Variants in ADGRL2 observed in about 807,000 individuals in gnomAD.
The protein encoded by ADGRL2 is calcium-independent alpha-latrotoxin receptor 2.
Under a neutral mutation model 157.4 loss-of-function variants are expected in ADGRL2, and 44 were observed. The ratio of observed to expected loss-of-function variants is 0.28; its 90% CI spans 0.22 to 0.36. The LOEUF is 0.36. ADGRL2 is among the 10% of genes least tolerant of loss of function. ADGRL2 has a pLI of 1.00. For missense variants in ADGRL2, 1,510 were observed against 1,768.9 expected (o/e 0.85, Z 2.63); for synonymous variants, 585 against 624.7 (o/e 0.94, Z 0.95).
intron 4 of ADGRL2, among the ~76,000 whole-genome samples, chr1:81,941,353 G>C (rs894271980): frequency 6.6e-6 from 1 of 151,436 alleles, no homozygotes; most frequent in Non-Finnish European, 1.5e-5. Flanking sequence ...GTGATGGGGG[G>C]ATATTGATAT....
chr1:81,464,198 G>A (rs1249179803), intron 2 of ADGRL2, among the ~76,000 whole-genome samples: 1 of 152,026 alleles, frequency 6.6e-6, no homozygotes, highest in East Asian at 1.9e-4. Context: ...CTGCAAACAT[G>A]TAATACAGCC....
At chr1:81,557,036 G>T (rs372935977) in intron 2 of ADGRL2, 1 of 148,220 alleles carries the variant, frequency 6.7e-6, no homozygotes, top group South Asian at 1.4e-4. Flanking sequence ...AAAAAAAAAA[G>T]AAAGAAAGAA....
At chr1:81,953,988 C>T (rs1212227028) in intron 10 of ADGRL2, among the ~76,000 whole-genome samples, 1 of 152,074 alleles carries the variant, frequency 6.6e-6, no homozygotes, top group African/African-American at 2.4e-5. Context: ...CATTGTTGAA[C>T]TTGAGAACTT....
chr1:81,751,431 A>G (rs1273883809), intron 1 of ADGRL2, among the ~76,000 whole-genome samples: 1 of 152,204 alleles, frequency 6.6e-6, no homozygotes, highest in African/African-American at 2.4e-5. Context: ...AAGAGAGGAA[A>G]CCTGAATCTG....
intron 2 of ADGRL2, among the ~76,000 whole-genome samples, chr1:81,850,875 G>A (rs1234724658): frequency 6.6e-6 from 1 of 151,852 alleles, no homozygotes; most frequent in East Asian, 1.9e-4. Context: ...CTAATTCATT[G>A]AAGTTAAGCA....
intron 3 of ADGRL2, among the ~76,000 whole-genome samples, chr1:81,917,601 T>C (rs1234302834): frequency 1.3e-5 from 2 of 152,176 alleles, no homozygotes; most frequent in Admixed American, 6.5e-5. Context: ...AACTAACACG[T>C]CACGGTTCTC....
intron 2 of ADGRL2, among the ~76,000 whole-genome samples, chr1:81,512,863 A>T (rs1322545091): frequency 6.6e-6 from 1 of 152,074 alleles, no homozygotes; most frequent in African/African-American, 2.4e-5. Context: ...AATGCTTACT[A>T]GAAAGAGTTC....
intron 3 of ADGRL2, among the ~76,000 whole-genome samples, chr1:81,670,912 G>A (rs71646942): frequency 0.02 from 3,024 of 152,282 alleles, 46 homozygotes; most frequent in Non-Finnish European, 0.03. Flanking sequence ...GTTTTGCCAC[G>A]TTGCCCAGGC....
At chr1:81,348,782 G>A (rs1006250021) in intron 1 of ADGRL2, among the ~76,000 whole-genome samples, 1 of 152,144 alleles carries the variant, frequency 6.6e-6, no homozygotes, top group Non-Finnish European at 1.5e-5. Context: ...CCTTTCCAGT[G>A]TAATACTGGG....
rs747402738 is a variant in ADGRL2, at chr1:81,952,166, T to G, written c.1794+24T>G. The G allele has an allele frequency of 1.0e-5, 16 of 1,564,578 alleles. No individual in the cohort carries two copies. The South Asian group carries it at 1.9e-4, about 18-fold the overall frequency. Reference sequence around the variant, plus strand: ...AGGTAGAGAGAACTCTTCTGTTATTTTGAATTAGACACTTGGTATGGCAGC... The same window carrying G: ...AGGTAGAGAGAACTCTTCTGTTATTGTGAATTAGACACTTGGTATGGCAGC... On this transcript the variant is annotated intron_variant, in intron 9 of 23. Transcript: ENST00000686636.
intron 2 of ADGRL2, among the ~76,000 whole-genome samples, chr1:81,883,843 G>GA (rs2094051818): frequency 6.6e-6 from 1 of 152,066 alleles, no homozygotes; most frequent in Admixed American, 6.6e-5. Context: ...TAAAAGTTAA[G>GA]ATATGTGGTA....
Position 81,528,646 on chromosome 1 carries a change from C to CAAAAA in ADGRL2, c.-247-52205_-247-52201dup, listed in dbSNP as rs59842382. 2.1e-3 allele frequency among the ~76,000 whole-genome samples: 239 copies of CAAAAA among 114,576 alleles called. 2 individuals carry two copies. Among genetic ancestry groups the CAAAAA allele is most frequent in the African/African-American group, 4.2e-3 (111 of 26,444 alleles). 75.2% of individuals were successfully genotyped at this position (114,576 alleles called of 152,430 possible). ...TGGGCAAAAAAGTGAGACTCCATCT[C>CAAAAA]AAAAAAAAAAAAAAAAAAAAAAAAA... On this transcript the variant is annotated intron_variant, in intron 2 of 24. Transcript: ENST00000370721.
chr1:81,471,298 ATTTTC>A (rs1454946663), intron 2 of ADGRL2, among the ~76,000 whole-genome samples: 1 of 152,178 alleles, frequency 6.6e-6, no homozygotes, highest in Non-Finnish European at 1.5e-5. Flanking sequence ...AGATATTTAT[ATTTTC>A]TTGTCAATAC....
intron 2 of ADGRL2, among the ~76,000 whole-genome samples, chr1:81,473,874 C>A (rs1165166968): frequency 6.6e-6 from 1 of 152,126 alleles, no homozygotes; most frequent in Admixed American, 6.5e-5. Context: ...ACACCTCATA[C>A]AACATGGATG....
chr1:81,956,107 A>G (rs376593256), intron 11 of ADGRL2, 47 bp downstream of exon 11: 5 of 1,338,762 alleles, frequency 3.7e-6, no homozygotes, highest in Non-Finnish European at 5.1e-6. Context: ...GGATATTCAT[A>G]TGTAAGAGGA....
chr1:81,680,184 C>T (rs1232977254), intron 3 of ADGRL2, among the ~76,000 whole-genome samples: 10 of 152,176 alleles, frequency 6.6e-5, no homozygotes, highest in East Asian at 3.9e-4. Flanking sequence ...ACTGCCAGAT[C>T]GGCAGCCCTT....
At chr1:81,348,358 C>T (rs1191153673) in intron 1 of ADGRL2, among the ~76,000 whole-genome samples, 1 of 152,188 alleles carries the variant, frequency 6.6e-6, no homozygotes, top group Non-Finnish European at 1.5e-5. Flanking sequence ...CAACGACAAA[C>T]TCGTCCTCTG....
intron 1 of ADGRL2, among the ~76,000 whole-genome samples, chr1:81,370,939 T>C (rs1294488162): frequency 6.6e-6 from 1 of 152,198 alleles, no homozygotes; most frequent in East Asian, 1.9e-4. Context: ...CAGTTTTCAA[T>C]ATCGTGTGTG....
chr1:81,798,911 G>C (rs2149445928), upstream of ADGRL2, among the ~76,000 whole-genome samples: 1 of 107,496 alleles, frequency 9.3e-6, no homozygotes, highest in Admixed American at 9.6e-5. Flanking sequence ...ACTCATTGGG[G>C]CTTTTGTGAA....
Sources: gnomAD v4.1 joint callset for allele counts (sites outside exome capture counted in the v4.1 genomes callset) on GRCh38, gnomAD v4.1.1 for gene constraint, MANE v1.5 for transcripts, NCBI Gene and HGNC (gene_info 2026-07-23, HGNC 2026-07-21) for gene names.